The following VGLL4 variants were observed in gnomAD, a reference collection of about 807,000 sequenced individuals.
VGLL4 encodes transcription cofactor vestigial-like protein 4.
Under a neutral mutation model 21.0 loss-of-function variants are expected in VGLL4, and 7 were observed. The ratio of observed to expected loss-of-function variants is 0.33; its 90% CI spans 0.19 to 0.63. VGLL4 has a LOEUF of 0.63. Among genes scored for constraint, VGLL4 ranks in the 20% least tolerant of loss-of-function variants. The pLI is 0.78. For missense variants in VGLL4, 394 were observed against 425.7 expected (o/e 0.93, Z 0.66); for synonymous variants, 222 against 173.2 (o/e 1.28, Z -2.21).
At chr3:11,708,859 C>T (rs1223001627) in intron 1 of VGLL4, among the ~76,000 whole-genome samples, 1 of 151,120 alleles carries the variant, frequency 6.6e-6, no homozygotes, top group Admixed American at 6.6e-5. Flanking sequence ...GGTGGGGGTT[C>T]GAGACTAGCC....
rs149695667 is a variant in VGLL4, at chr3:11,629,508, G to A, written c.82+13929C>T. Among the ~76,000 whole-genome samples the A allele has an allele frequency of 1.5e-3, 227 of 152,226 alleles. 1 individual carries two copies. Among genetic ancestry groups the A allele is most frequent in the African/African-American group, 5.0e-3 (206 of 41,536 alleles). ...CTGGGGGCTCACACCTGTAATCCCA[G>A]CACTTTGGGAGGCAGAGGCAGGTGG... On this transcript the variant is annotated intron_variant, in intron 1 of 4. Coordinates refer to ENST00000430365, the MANE Select transcript of VGLL4 (RefSeq NM_001128219.3).
chr3:11,653,097 G>A lies in VGLL4; in HGVS notation c.64+49874C>T, dbSNP rs1226380313. Among the ~76,000 whole-genome samples, 1 of 152,178 alleles carries A rather than the reference G, an allele frequency of 6.6e-6. No homozygotes were observed. Among genetic ancestry groups the A allele is most frequent in the Non-Finnish European group, 1.5e-5 (1 of 68,032 alleles). On this transcript the variant is annotated intron_variant, in intron 2 of 5. Transcript: ENST00000273038. The surrounding 1 kb of genome is among the most constrained non-coding windows in gnomAD (Gnocchi z 4.2). The stretch of plus-strand genomic sequence containing the variant: ...ATTCAACAACTGAAGGGCTAAGTTC[G>A]CTGCTAGCCCCAATGTGTGACCCAA...
At chr3:11,627,230 A>ACACACACACTCTCTCTCT (rs1491347863) in intron 1 of VGLL4, 11 of 123,318 alleles carry the variant, frequency 8.9e-5, no homozygotes, top group Admixed American at 5.0e-4. Flanking sequence ...ACACACACAC[A>ACACACACACTCTCTCTCT]CTCTCTCTCT....
In VGLL4 at chr3:11,558,426, G is replaced by T; in HGVS notation, c.*130C>A. On this transcript the variant is annotated 3_prime_UTR_variant, in exon 5 of 5. Coordinates refer to ENST00000430365, the MANE Select transcript of VGLL4 (RefSeq NM_001128219.3). ...ACAGAACACAAATCCCAACAACATG[G>T]TTTTTGCAAATAAACCATCCCTTCC... The T allele has an allele frequency of 7.2e-7, 1 of 1,387,248 alleles. No homozygotes were observed. The highest frequency in any genetic ancestry group is 2.7e-5 in the Admixed American group (1 of 37,124). The allele number at this position is 1,387,248 out of a possible 1,614,324, so 85.9% of individuals were successfully genotyped here. A position where few individuals can be genotyped will look rare whatever the true frequency, so the allele number is the denominator to read the frequency against.
At chr3:11,570,361 G>A (rs758991269) in intron 2 of VGLL4, among the ~76,000 whole-genome samples, 6 of 152,268 alleles carry the variant, frequency 3.9e-5, no homozygotes, top group South Asian at 4.1e-4. Context: ...GGAGCAGTGC[G>A]GAGATGCCGG....
At chr3:11,604,748 T>G (rs907211474) in intron 1 of VGLL4, among the ~76,000 whole-genome samples, 2 of 144,024 alleles carry the variant, frequency 1.4e-5, no homozygotes, top group Non-Finnish European at 3.0e-5. Context: ...TCATGTTCTT[T>G]CCAGCTCTTA....
At chr3:11,666,210 C>G (rs938193506) in intron 2 of VGLL4, among the ~76,000 whole-genome samples, 1 of 150,330 alleles carries the variant, frequency 6.7e-6, no homozygotes, top group Admixed American at 6.7e-5. Context: ...CGAGATGTGC[C>G]GCTGCACTCC....
At chr3:11,562,970 A>C (rs79783273) in intron 3 of VGLL4, among the ~76,000 whole-genome samples, 1 of 152,258 alleles carries the variant, frequency 6.6e-6, no homozygotes, top group African/African-American at 2.4e-5. Context: ...GGCCCATTCC[A>C]GGCTGGGGAG....
chr3:11,702,289 G>A (rs1041993103), intron 2 of VGLL4, among the ~76,000 whole-genome samples: 7 of 151,822 alleles, frequency 4.6e-5, no homozygotes, highest in African/African-American at 9.7e-5. Context: ...TACAATTAAC[G>A]GTTCAAACTC....
intron 2 of VGLL4, among the ~76,000 whole-genome samples, chr3:11,677,013 T>C (rs891241915): frequency 2.0e-5 from 3 of 152,174 alleles, no homozygotes; most frequent in African/African-American, 7.2e-5. Flanking sequence ...ACTGTTACAC[T>C]TTTTTTACTG....
At chr3:11,689,087 A>G (rs1482328545) in intron 2 of VGLL4, among the ~76,000 whole-genome samples, 2 of 152,188 alleles carry the variant, frequency 1.3e-5, no homozygotes, top group Non-Finnish European at 2.9e-5. Context: ...ACTGGTTAAA[A>G]AATACAAAAT....
intron 2 of VGLL4, among the ~76,000 whole-genome samples, chr3:11,589,262 T>C (rs1411047438): frequency 1.3e-5 from 2 of 152,082 alleles, no homozygotes; most frequent in Admixed American, 1.3e-4. Flanking sequence ...AGGTGATCTC[T>C]CTAGAAATAG....
intron 2 of VGLL4, chr3:11,582,180 T>C: frequency 2.3e-6 from 3 of 1,332,320 alleles, no homozygotes; most frequent in Admixed American, 2.0e-5. Context: ...CTCCCAGCAC[T>C]TGCTGTCTCG....
chr3:11,705,527 A>G (rs1575548351), intron 1 of VGLL4, among the ~76,000 whole-genome samples: 1 of 152,244 alleles, frequency 6.6e-6, no homozygotes, highest in East Asian at 1.9e-4. Context: ...TCTTCTTTGT[A>G]AAAACAGAAA....
rs994787903 is a variant in VGLL4, at chr3:11,719,372, G to C, written c.-14+1022C>G. 6.6e-6 allele frequency: 1 copy of C among 151,986 alleles called. No homozygotes were observed. The highest frequency in any genetic ancestry group is 2.4e-5 in the African/African-American group (1 of 41,338). 9.4% of individuals were successfully genotyped at this position (151,986 alleles called of 1,614,324 possible). A position where few individuals can be genotyped will look rare whatever the true frequency, so the allele number is the denominator to read the frequency against. ...CAAGGCCCCTCTCAGGCCAGCCCTC[G>C]CCCAGCCCGGGTCCCGCCCCGCCGA... is the stretch of plus-strand genomic sequence containing the variant. On this transcript the variant is annotated intron_variant, in intron 1 of 5. Coordinates refer to the VGLL4 transcript ENST00000273038. The surrounding 1 kb of genome is among the most constrained non-coding windows in gnomAD (Gnocchi z 4.0).
intron 2 of VGLL4, among the ~76,000 whole-genome samples, chr3:11,567,806 G>A (rs1344851955): frequency 6.6e-6 from 1 of 152,130 alleles, no homozygotes; most frequent in Non-Finnish European, 1.5e-5. Flanking sequence ...TCAGTGTCCC[G>A]CTCCCTTCTA....
intron 1 of VGLL4, among the ~76,000 whole-genome samples, chr3:11,717,366 T>C (rs1055530835): frequency 6.6e-6 from 1 of 151,872 alleles, no homozygotes; most frequent in Non-Finnish European, 1.5e-5. Context: ...ACAGCAAAAC[T>C]CTCCAAGACA....
intron 1 of VGLL4, among the ~76,000 whole-genome samples, chr3:11,631,770 A>G (rs188340133): frequency 2.5e-4 from 38 of 152,340 alleles, no homozygotes; most frequent in Non-Finnish European, 4.6e-4. Context: ...GTTCATCATA[A>G]TTAATTATGC....
intron 1 of VGLL4, among the ~76,000 whole-genome samples, chr3:11,720,044 G>C (rs2076972792): frequency 1.3e-5 from 2 of 152,172 alleles, no homozygotes; most frequent in African/African-American, 2.4e-5. Context: ...TGCCCGCCGC[G>C]CTCCCCACGC....
Sources: allele counts gnomAD v4.1 joint callset (sites outside exome capture counted in the v4.1 genomes callset), GRCh38; gene constraint gnomAD v4.1.1; non-coding constraint Gnocchi (gnomAD v3.1); transcripts MANE v1.5; gene names NCBI Gene and HGNC (gene_info 2026-07-23, HGNC 2026-07-21).